Variants in DGKB observed in about 807,000 individuals in gnomAD.
DGKB encodes 90 kDa diacylglycerol kinase.
Under a neutral mutation model 114.3 loss-of-function variants are expected in DGKB, and 67 were observed. That is an observed-to-expected ratio of 0.59 (90% CI 0.48 to 0.72). The LOEUF (loss-of-function observed/expected upper bound fraction) is 0.72, where lower values mean the gene tolerates loss of function less well. DGKB is among the 30% of genes least tolerant of loss of function. The probability of loss-of-function intolerance (pLI) is 0.00; values close to 1 mark genes in which losing one functional copy is unlikely to be tolerated. For synonymous variants in DGKB, 398 were observed against 323.1 expected, an observed-to-expected ratio of 1.23 and a Z score of -2.49; for missense variants, 907 against 975.2, an observed-to-expected ratio of 0.93 and a Z score of 0.93.
intron 2 of DGKB, among the ~76,000 whole-genome samples, chr7:14,831,846 G>A (rs1031281047): frequency 7.9e-5 from 12 of 151,922 alleles, no homozygotes; most frequent in Non-Finnish European, 1.8e-4. Flanking sequence ...GATAAACTAC[G>A]CTTATTTACG....
rs1195988077 is a variant in DGKB, at chr7:14,283,696, G to C, written c.2122+54819C>G. On this transcript the variant is annotated intron_variant, in intron 23 of 25. Coordinates refer to ENST00000402815, the MANE Select transcript of DGKB (RefSeq NM_001350709.2). ...GATCAATGGAAAAGAACAGAGCCCT[G>C]AGAAATAACGCTGCATATCTACAAC... Among the ~76,000 whole-genome samples the C allele has an allele frequency of 4.7e-4, 71 of 152,022 alleles. 1 individual carries two copies. The highest frequency in any genetic ancestry group is 7.7e-4 in the East Asian group (4 of 5,172).
intron 1 of DGKB, among the ~76,000 whole-genome samples, chr7:14,925,049 T>G (rs532132436): frequency 6.6e-6 from 1 of 152,332 alleles, no homozygotes; most frequent in South Asian, 2.1e-4. Flanking sequence ...GATTGGCTTT[T>G]TTCACTCACT....
At chr7:14,399,879 C>T (rs1037889137) in intron 21 of DGKB, among the ~76,000 whole-genome samples, 4 of 151,762 alleles carry the variant, frequency 2.6e-5, no homozygotes, top group African/African-American at 9.7e-5. Context: ...AAACAGTCTT[C>T]ATAGACTGCC....
At chr7:14,965,357 G>T (rs983147457) in intron 1 of DGKB, among the ~76,000 whole-genome samples, 1 of 152,000 alleles carries the variant, frequency 6.6e-6, no homozygotes, top group Admixed American at 6.6e-5. Context: ...GCAAGTACGA[G>T]GAGGGGAATA....
At chr7:14,890,597 GA>G (rs1264935936) in intron 1 of DGKB, among the ~76,000 whole-genome samples, 2 of 151,248 alleles carry the variant, frequency 1.3e-5, no homozygotes, top group African/African-American at 4.8e-5. Flanking sequence ...GTAAATATGG[GA>G]TGTGTCTGAG....
chr7:14,273,986 T>A (rs6953240), intron 23 of DGKB, among the ~76,000 whole-genome samples: 12,323 of 152,210 alleles, frequency 0.081, 1,650 homozygotes, highest in African/African-American at 0.28. Flanking sequence ...TAGAAACATA[T>A]TTGTATTTCA....
At chr7:14,669,349 C>G (rs1273638776) in intron 13 of DGKB, among the ~76,000 whole-genome samples, 2 of 152,138 alleles carry the variant, frequency 1.3e-5, no homozygotes, top group East Asian at 3.9e-4. Flanking sequence ...CTTTGAACTT[C>G]TATTTTTCCT....
At chr7:14,768,456 A>G (rs1211024622) in intron 2 of DGKB, among the ~76,000 whole-genome samples, 1 of 146,844 alleles carries the variant, frequency 6.8e-6, no homozygotes, top group Non-Finnish European at 1.5e-5. Context: ...ATGATAGTGC[A>G]TATCTCCACA....
At chr7:14,337,599 A>G (rs572753491) in intron 23 of DGKB, among the ~76,000 whole-genome samples, 15 of 152,208 alleles carry the variant, frequency 9.9e-5, no homozygotes, top group African/African-American at 3.6e-4. Context: ...GCCCACCACC[A>G]TAAAGCCCAC....
At chr7:14,866,356 T>G (rs1488032626) in intron 1 of DGKB, among the ~76,000 whole-genome samples, 1 of 152,166 alleles carries the variant, frequency 6.6e-6, no homozygotes, top group East Asian at 1.9e-4. Flanking sequence ...CTTCATTTTA[T>G]AGAGTAGTTT....
At chr7:14,283,986 A>C (rs1292747103) in intron 23 of DGKB, among the ~76,000 whole-genome samples, 6 of 152,178 alleles carry the variant, frequency 3.9e-5, no homozygotes, top group Admixed American at 3.9e-4. Flanking sequence ...ACCAAAAGCA[A>C]TGGCAACAAA....
At chr7:14,948,561 G>A (rs1222291221) in intron 1 of DGKB, among the ~76,000 whole-genome samples, 5 of 151,836 alleles carry the variant, frequency 3.3e-5, no homozygotes, top group Non-Finnish European at 5.9e-5. Context: ...ATGTGAAGAA[G>A]TTGAAGTTAA....
chr7:14,503,977 G>C (rs1260114983), intron 20 of DGKB, among the ~76,000 whole-genome samples: 1 of 152,154 alleles, frequency 6.6e-6, no homozygotes, highest in Non-Finnish European at 1.5e-5. Context: ...AAATGAAAAT[G>C]TACTGTGTAA....
chr7:14,598,444 TG>T (rs1802965432), intron 17 of DGKB, among the ~76,000 whole-genome samples: 1 of 152,224 alleles, frequency 6.6e-6, no homozygotes, highest in Non-Finnish European at 1.5e-5. Context: ...ATGATTGCTT[TG>T]GGGCAGAGAA....
At chr7:14,567,122 AATAT>A (rs1017543268) in intron 20 of DGKB, among the ~76,000 whole-genome samples, 1 of 113,756 alleles carries the variant, frequency 8.8e-6, no homozygotes, top group Non-Finnish European at 1.7e-5. Context: ...ATATTATATA[AATAT>A]ATAATTATAT....
chr7:14,766,787 A>T (rs535851712), intron 2 of DGKB, among the ~76,000 whole-genome samples: 2 of 152,006 alleles, frequency 1.3e-5, no homozygotes, highest in East Asian at 3.9e-4. Context: ...AGGAAAAGAG[A>T]TGCAATCTGC....
intron 23 of DGKB, among the ~76,000 whole-genome samples, chr7:14,222,770 AT>A (rs1415643976): frequency 6.6e-6 from 1 of 151,460 alleles, no homozygotes; most frequent in African/African-American, 2.4e-5. Context: ...GTCTCCAGTT[AT>A]TACTGAATTG....
intron 1 of DGKB, among the ~76,000 whole-genome samples, chr7:14,951,234 C>T (rs1786185991): frequency 6.6e-6 from 1 of 152,004 alleles, no homozygotes; most frequent in African/African-American, 2.4e-5. Context: ...CACACAAAAT[C>T]CTTCACAGAA....
intron 1 of DGKB, among the ~76,000 whole-genome samples, chr7:14,959,890 A>G (rs546651138): frequency 1.3e-5 from 2 of 152,210 alleles, no homozygotes; most frequent in South Asian, 4.1e-4. Flanking sequence ...ATGTACACAT[A>G]TACTTATTTA....
Sources: allele counts gnomAD v4.1 joint callset (sites outside exome capture counted in the v4.1 genomes callset), GRCh38; gene constraint gnomAD v4.1.1; transcripts MANE v1.5; gene names NCBI Gene and HGNC (gene_info 2026-07-23, HGNC 2026-07-21).